Variants in EEFSEC observed in about 807,000 individuals in gnomAD.
The protein encoded by EEFSEC is eukaryotic elongation factor, selenocysteine-tRNA specific.
A neutral mutation model predicts 42.1 loss-of-function variants in EEFSEC; 43 were observed. The ratio of observed to expected loss-of-function variants is 1.02; its 90% CI spans 0.80 to 1.32. The LOEUF (loss-of-function observed/expected upper bound fraction) is 1.32, where lower values mean the gene tolerates loss of function less well. Ranked by LOEUF, EEFSEC falls within the 40% of genes most tolerant of loss-of-function variation. The probability of loss-of-function intolerance (pLI) is 0.00; values close to 1 mark genes in which losing one functional copy is unlikely to be tolerated. For missense variants in EEFSEC, 745 were observed against 803.6 expected (o/e 0.93, Z 0.88); for synonymous variants, 354 against 339.1 (o/e 1.04, Z -0.48).
intron 1 of EEFSEC, among the ~76,000 whole-genome samples, chr3:128,203,416 G>A (rs1263601997): frequency 6.6e-6 from 1 of 152,200 alleles, no homozygotes; most frequent in Non-Finnish European, 1.5e-5. Flanking sequence ...GAGTGTTGGC[G>A]ATGGCAGAGG....
chr3:128,285,927 C>G (rs2066580403), intron 4 of EEFSEC, among the ~76,000 whole-genome samples: 1 of 152,180 alleles, frequency 6.6e-6, no homozygotes, highest in Admixed American at 6.5e-5. Flanking sequence ...TTGATAATAT[C>G]TGTGAACTCA....
At chr3:128,185,345 C>G (rs2065454654) in intron 1 of EEFSEC, among the ~76,000 whole-genome samples, 1 of 151,998 alleles carries the variant, frequency 6.6e-6, no homozygotes, top group Admixed American at 6.5e-5. Context: ...TATATACCTT[C>G]TTTTTACTAA....
At chr3:128,193,505 C>A (rs892165750) in intron 1 of EEFSEC, among the ~76,000 whole-genome samples, 1 of 152,190 alleles carries the variant, frequency 6.6e-6, no homozygotes. Flanking sequence ...TATCCAGTTA[C>A]GTAATTTTTT....
chr3:128,248,649 A>G (rs2066152794), intron 2 of EEFSEC, among the ~76,000 whole-genome samples: 1 of 152,294 alleles, frequency 6.6e-6, no homozygotes, highest in Non-Finnish European at 1.5e-5. Context: ...TACTTGTCAG[A>G]AAAGGAAGAA....
At chr3:128,235,230 A>G (rs1193128775) in intron 1 of EEFSEC, among the ~76,000 whole-genome samples, 1 of 70,004 alleles carries the variant, frequency 1.4e-5, no homozygotes, top group Non-Finnish European at 3.2e-5. Flanking sequence ...ACACCCAGCT[A>G]ATTTTTGTAT....
At chr3:128,394,407 C>T (rs2067954932) in intron 6 of EEFSEC, among the ~76,000 whole-genome samples, 2 of 152,160 alleles carry the variant, frequency 1.3e-5, no homozygotes, top group Admixed American at 6.5e-5. Flanking sequence ...GACTGCTCCC[C>T]GGGCCTTTGT....
At chr3:128,289,925 A>G (rs2066625327) in intron 4 of EEFSEC, among the ~76,000 whole-genome samples, 1 of 152,162 alleles carries the variant, frequency 6.6e-6, no homozygotes, top group South Asian at 2.1e-4. Context: ...ACACATTTTT[A>G]TATTAGGTTG....
intron 1 of EEFSEC, among the ~76,000 whole-genome samples, chr3:128,243,236 C>T (rs189891503): frequency 7.7e-4 from 118 of 152,296 alleles, no homozygotes; most frequent in East Asian, 3.9e-4. Flanking sequence ...GGAACAAAGA[C>T]GGCTTTTGGA....
intron 1 of EEFSEC, among the ~76,000 whole-genome samples, chr3:128,221,801 A>C (rs1209419412): frequency 1.3e-5 from 2 of 152,362 alleles, no homozygotes; most frequent in East Asian, 3.9e-4. Context: ...AAGAGAATTT[A>C]AAATAAGAAT....
In EEFSEC at chr3:128,233,339, A is replaced by G. The variant is rs111627764; in HGVS notation, c.317-13497A>G. ...AAGTGCATTTGAATTTTAAAAAATGATATGATTTAAACATACATGTGAGTA... is the reference window on the plus strand; with the variant it reads ...AAGTGCATTTGAATTTTAAAAAATGGTATGATTTAAACATACATGTGAGTA... On this transcript the variant is annotated intron_variant, in intron 1 of 6. Transcript: ENST00000254730. Among the ~76,000 whole-genome samples the G allele has an allele frequency of 2.0e-3, 310 of 152,366 alleles. 1 individual carries two copies. Among genetic ancestry groups the G allele is most frequent in the African/African-American group, 7.0e-3 (291 of 41,588 alleles).
intron 2 of EEFSEC, among the ~76,000 whole-genome samples, chr3:128,255,982 G>A (rs1241592298): frequency 1.3e-5 from 2 of 152,054 alleles, no homozygotes; most frequent in African/African-American, 2.4e-5. Context: ...GGGCTATAGT[G>A]GGGGAATGTG....
chr3:128,161,858 C>T (rs781528857), intron 1 of EEFSEC, among the ~76,000 whole-genome samples: 14 of 152,118 alleles, frequency 9.2e-5, no homozygotes, highest in Non-Finnish European at 1.3e-4. Context: ...TTGTGATACC[C>T]GTTAGGCATC....
chr3:128,247,326 C>G (rs1480903479), intron 2 of EEFSEC, among the ~76,000 whole-genome samples: 2 of 152,202 alleles, frequency 1.3e-5, no homozygotes, highest in East Asian at 3.9e-4. Context: ...AGCACAGGGA[C>G]TCTGTGCCCA....
chr3:128,287,578 T>G (rs1006296797), intron 4 of EEFSEC, among the ~76,000 whole-genome samples: 2 of 152,206 alleles, frequency 1.3e-5, no homozygotes, highest in African/African-American at 4.8e-5. Context: ...AGCTGTAGTT[T>G]GAGAAAACCC....
At chr3:128,279,234 T>C (rs1170440136) in intron 4 of EEFSEC, among the ~76,000 whole-genome samples, 1 of 152,196 alleles carries the variant, frequency 6.6e-6, no homozygotes, top group African/African-American at 2.4e-5. Context: ...GGAAGGCAGC[T>C]CGGGCTGTGC....
intron 1 of EEFSEC, among the ~76,000 whole-genome samples, chr3:128,235,693 T>C (rs1395789002): frequency 2.6e-5 from 4 of 152,244 alleles, no homozygotes; most frequent in Admixed American, 6.5e-5. Context: ...AGCTGGGTCA[T>C]GTTCTGTTTT....
chr3:128,388,194 T>C (rs1007996974), intron 6 of EEFSEC, among the ~76,000 whole-genome samples: 2 of 152,210 alleles, frequency 1.3e-5, no homozygotes, highest in African/African-American at 4.8e-5. Context: ...CTTTTTTTAA[T>C]ATCCAATTTG....
chr3:128,283,594 C>T (rs1038904009), intron 4 of EEFSEC, among the ~76,000 whole-genome samples: 4 of 152,196 alleles, frequency 2.6e-5, no homozygotes, highest in Non-Finnish European at 4.4e-5. Flanking sequence ...GTGCTGAGAT[C>T]TAGCCTTGTC....
chr3:128,292,115 G>A (rs1410871942), intron 4 of EEFSEC, among the ~76,000 whole-genome samples: 1 of 152,028 alleles, frequency 6.6e-6, no homozygotes, highest in African/African-American at 2.4e-5. Context: ...TGTTAAGTAA[G>A]TTACATATAT....
Sources: allele counts gnomAD v4.1 joint callset (sites outside exome capture counted in the v4.1 genomes callset), GRCh38; gene constraint gnomAD v4.1.1; transcripts MANE v1.5; gene names NCBI Gene and HGNC (gene_info 2026-07-23, HGNC 2026-07-21).